The following CAPRIN2 variants were observed in gnomAD, a reference collection of about 807,000 sequenced individuals.
CAPRIN2 encodes the protein caprin-2.
Under a neutral mutation model 130.4 loss-of-function variants are expected in CAPRIN2, and 66 were observed. The observed-to-expected ratio is 0.51, with a 90% CI of 0.42 to 0.62. The LOEUF is 0.62. Among genes scored for constraint, CAPRIN2 ranks in the 20% least tolerant of loss-of-function variants. CAPRIN2 has a pLI of 0.00. For synonymous variants in CAPRIN2, 471 were observed against 444.1 expected (o/e 1.06, Z -0.76); for missense variants, 1,185 against 1,246.6 (o/e 0.95, Z 0.74).
chr12:30,714,636 T>C (rs1248319085), intron 14 of CAPRIN2, among the ~76,000 whole-genome samples: 1 of 152,100 alleles, frequency 6.6e-6, no homozygotes, highest in Non-Finnish European at 1.5e-5. Context: ...AAAATGGGCA[T>C]CTTGTAAATA....
chr12:30,751,980 G>A (rs1022825529), intron 1 of CAPRIN2, among the ~76,000 whole-genome samples: 10 of 142,026 alleles, frequency 7.0e-5, no homozygotes, highest in Non-Finnish European at 1.3e-4. Context: ...GTGCAGTGTC[G>A]CGATCTCGGC....
chr12:30,712,134 T>C (rs1049379628), intron 15 of CAPRIN2, among the ~76,000 whole-genome samples: 2 of 152,020 alleles, frequency 1.3e-5, no homozygotes, highest in African/African-American at 2.4e-5. Context: ...AGAAATATAA[T>C]CTAATATATT....
At chr12:30,724,538 T>TA in intron 9 of CAPRIN2, 87 bp from the exon 11 acceptor site, 1 of 872,520 alleles carries the variant, frequency 1.1e-6, no homozygotes, top group Non-Finnish European at 1.9e-6. Flanking sequence ...ATGCTGCCTA[T>TA]AGTCTATTAG....
intron 16 of CAPRIN2, 100 bp downstream of exon 18, chr12:30,711,466 T>TGCTAAA: frequency 1.1e-6 from 1 of 929,866 alleles, no homozygotes; most frequent in East Asian, 2.4e-5. Context: ...ACAAGATAAA[T>TGCTAAA]GCTAAAAAGC....
intron 4 of CAPRIN2, among the ~76,000 whole-genome samples, chr12:30,734,537 GTT>G (rs2063800277): frequency 6.6e-6 from 1 of 152,114 alleles, no homozygotes; most frequent in East Asian, 1.9e-4. Flanking sequence ...TACTTTGAAA[GTT>G]TAATGACACC....
chr12:30,711,698 C>T, intron 15 of CAPRIN2, 69 bp from the exon 18 acceptor site: 1 of 1,286,842 alleles, frequency 7.8e-7, no homozygotes, highest in Non-Finnish European at 1.1e-6. Context: ...TTACACAGGA[C>T]TACCGGCTGG....
chr12:30,726,873 A>C (rs533967019), intron 8 of CAPRIN2, among the ~76,000 whole-genome samples: 3 of 152,168 alleles, frequency 2.0e-5, no homozygotes, highest in Non-Finnish European at 4.4e-5. Context: ...TTTGAACTCT[A>C]TTCTGCACTT....
chr12:30,753,531 C>T, exon 1 of CAPRIN2: 1 of 1,614,176 alleles, frequency 6.2e-7, no homozygotes, highest in Non-Finnish European at 8.5e-7. Context: ...ATTCCCCTCT[C>T]TTTCCTCCTC....
At chr12:30,717,062 T>C (rs535246148) in intron 12 of CAPRIN2, among the ~76,000 whole-genome samples, 1 of 152,192 alleles carries the variant, frequency 6.6e-6, no homozygotes, top group Non-Finnish European at 1.5e-5. Flanking sequence ...AATTAACATA[T>C]GATCCACTAA....
chr12:30,752,132 G>A lies in CAPRIN2; in HGVS notation c.421-999C>T, dbSNP rs183163133. ...AGACGGGGTTTCATCATGTTGGCCA[G>A]GCTAGTCTCAAACTCCTGACCTCAG... On this transcript the variant is annotated intron_variant, in intron 1 of 16. Transcript: ENST00000298892. Among the ~76,000 whole-genome samples, 110 of 151,892 alleles carry A rather than the reference G, an allele frequency of 7.2e-4. 1 individual carries two copies. Among genetic ancestry groups the A allele is most frequent in the Admixed American group, 4.8e-3 (73 of 15,248 alleles).
At chr12:30,719,698 T>C (rs573642863) in intron 12 of CAPRIN2, 2 of 152,462 alleles carry the variant, frequency 1.3e-5, no homozygotes, top group East Asian at 1.9e-4. Flanking sequence ...TAAGTAATCC[T>C]TACCTAAGGA....
intron 14 of CAPRIN2, 33 bp downstream of exon 16, chr12:30,714,926 A>G (rs756990777): frequency 6.4e-7 from 1 of 1,559,646 alleles, no homozygotes; most frequent in Non-Finnish European, 8.8e-7. Flanking sequence ...AGACAAAATA[A>G]TTCAGTATAA....
intron 3 of CAPRIN2, among the ~76,000 whole-genome samples, chr12:30,739,826 C>G (rs751922221): frequency 6.6e-6 from 1 of 152,016 alleles, no homozygotes; most frequent in Admixed American, 6.5e-5. Context: ...TCAAGTGGAG[C>G]TGCATAAGTG....
exon 15 of CAPRIN2, chr12:30,713,831 A>G: frequency 6.2e-7 from 1 of 1,611,550 alleles, no homozygotes; most frequent in Non-Finnish European, 8.5e-7. Context: ...TTGGAACTGC[A>G]GCTGGCTATA....
chr12:30,709,857 A>G (rs763315430), exon 17 of CAPRIN2: 1 of 1,545,152 alleles, frequency 6.5e-7, no homozygotes, highest in Non-Finnish European at 8.7e-7. Context: ...CTTCAATCCC[A>G]CTAATTAGAA....
At chr12:30,729,292 A>C in exon 8 of CAPRIN2, 1 of 1,589,454 alleles carries the variant, frequency 6.3e-7, no homozygotes, top group Non-Finnish European at 8.5e-7. Flanking sequence ...TTGTTTGAAT[A>C]ATCTACTTCT....
At chr12:30,746,584 AC>A (rs112881515) in intron 2 of CAPRIN2, among the ~76,000 whole-genome samples, 9,076 of 152,268 alleles carry the variant, frequency 0.06, 352 homozygotes, top group Middle Eastern at 0.13. Flanking sequence ...TGAAAGTGCT[AC>A]TCCAGTGAAC....
intron 2 of CAPRIN2, among the ~76,000 whole-genome samples, chr12:30,744,602 A>C (rs986307289): frequency 2.0e-5 from 3 of 152,104 alleles, no homozygotes; most frequent in African/African-American, 4.8e-5. Context: ...GGTCTTAACT[A>C]AAGTTCTTCC....
At position 30,728,719 on chromosome 12, in the gene CAPRIN2, C is replaced by T. The variant is rs771811678; in HGVS notation, c.1711G>A (p.Gly571Arg). Reference sequence around the variant, plus strand: ...GGTATGAGGCTTGCTGTAGCTACTCCCCAGGACTTTGGAGAAATCTGTGAC... The same window carrying T: ...GGTATGAGGCTTGCTGTAGCTACTCTCCAGGACTTTGGAGAAATCTGTGAC... The change falls in exon 8 of 17, where the codon GGA becomes AGA. Residue 571 changes from glycine (G) to arginine (R), a missense_variant. Gly to Arg is a moderately radical substitution (Grantham distance 125). This residue lies in a region of CAPRIN2 where 1,104 missense variants were observed against 1,104.3 expected (regional missense o/e 1.00). Coordinates refer to ENST00000298892, the Ensembl canonical transcript of CAPRIN2. 3.1e-6 allele frequency: 5 copies of T among 1,613,960 alleles called. No individual in the cohort carries two copies. Among genetic ancestry groups the T allele is most frequent in the Non-Finnish European group, 4.2e-6 (5 of 1,179,990 alleles).
Sources: allele counts gnomAD v4.1 joint callset (sites outside exome capture counted in the v4.1 genomes callset), GRCh38; gene constraint gnomAD v4.1.1; regional missense constraint gnomAD v4.1.1; transcripts MANE v1.5; gene names NCBI Gene and HGNC (gene_info 2026-07-23, HGNC 2026-07-21).